Variants in NPAS3 observed in about 807,000 individuals in gnomAD.
NPAS3 encodes neuronal PAS domain-containing protein 3.
NPAS3 carries 14 observed loss-of-function variants against 73.1 expected under a neutral mutation model. The observed-to-expected ratio is 0.19, with a 90% CI of 0.13 to 0.30. NPAS3 has a LOEUF of 0.30. Ranked by LOEUF, NPAS3 falls within the 10% of genes least tolerant of loss-of-function variation. The probability of loss-of-function intolerance (pLI) is 1.00; values close to 1 mark genes in which losing one functional copy is unlikely to be tolerated. For synonymous variants in NPAS3, 620 were observed against 541.5 expected (o/e 1.14, Z -2.01); for missense variants, 1,096 against 1,250.0 (o/e 0.88, Z 1.86).
intron 3 of NPAS3, among the ~76,000 whole-genome samples, chr14:33,263,337 T>C (rs1194824855): frequency 6.6e-6 from 1 of 152,250 alleles, no homozygotes; most frequent in Non-Finnish European, 1.5e-5. Flanking sequence ...TTTCTACGTA[T>C]GGCTAACCAG....
intron 2 of NPAS3, among the ~76,000 whole-genome samples, chr14:33,136,619 A>C (rs746661438): frequency 2.6e-4 from 39 of 152,230 alleles, no homozygotes; most frequent in Non-Finnish European, 4.7e-4. Context: ...AGTCAACAGC[A>C]GACCTGAGAT....
At chr14:33,408,757 G>C (rs1354215483) in intron 4 of NPAS3, among the ~76,000 whole-genome samples, 2 of 152,140 alleles carry the variant, frequency 1.3e-5, no homozygotes, top group Non-Finnish European at 2.9e-5. Context: ...AAGAAGTTGA[G>C]GGTGAGACTA....
chr14:33,727,563 A>G (rs991089832), intron 6 of NPAS3, among the ~76,000 whole-genome samples: 1 of 151,996 alleles, frequency 6.6e-6, no homozygotes, highest in Admixed American at 6.6e-5. Flanking sequence ...ATTGTAGTAC[A>G]AAGACTAAGT....
chr14:33,049,083 G>T (rs1469795187), intron 1 of NPAS3, among the ~76,000 whole-genome samples: 1 of 152,154 alleles, frequency 6.6e-6, no homozygotes, highest in Non-Finnish European at 1.5e-5. Context: ...GTCTAGTAGT[G>T]TCTGTAGGTT....
chr14:33,519,224 A>T (rs976560882), intron 4 of NPAS3, among the ~76,000 whole-genome samples: 1 of 152,090 alleles, frequency 6.6e-6, no homozygotes, highest in Non-Finnish European at 1.5e-5. Context: ...CTTTTGTGCG[A>T]GTTTCCCTTT....
intron 6 of NPAS3, among the ~76,000 whole-genome samples, chr14:33,712,890 A>C (rs2060860724): frequency 6.6e-6 from 1 of 152,200 alleles, no homozygotes; most frequent in Admixed American, 6.5e-5. Context: ...CTTTACTGGG[A>C]AATTAGAGGA....
chr14:33,335,043 C>CGTGTGTGTGTGTGT (rs59212032), intron 3 of NPAS3, among the ~76,000 whole-genome samples: 1 of 146,950 alleles, frequency 6.8e-6, no homozygotes. Flanking sequence ...TGTGTGTGTG[C>CGTGTGTGTGTGTGT]GTGTGTGTGT....
At chr14:33,176,180 T>C (rs2045582883) in intron 2 of NPAS3, among the ~76,000 whole-genome samples, 1 of 152,198 alleles carries the variant, frequency 6.6e-6, no homozygotes, top group African/African-American at 2.4e-5. Flanking sequence ...CCAAAAAAAC[T>C]AGCTATATAA....
At chr14:33,108,279 C>T (rs1407721326) in intron 2 of NPAS3, among the ~76,000 whole-genome samples, 3 of 151,324 alleles carry the variant, frequency 2.0e-5, no homozygotes, top group Admixed American at 6.6e-5. Context: ...CTGCAACCTC[C>T]ACCTCCCGAG....
intron 6 of NPAS3, among the ~76,000 whole-genome samples, chr14:33,699,744 AT>A (rs202053209): frequency 2.6e-5 from 4 of 151,686 alleles, no homozygotes; most frequent in East Asian, 1.9e-4. Context: ...AGTCAAAGAC[AT>A]TTTTTTTTAA....
intron 4 of NPAS3, among the ~76,000 whole-genome samples, chr14:33,403,044 T>G (rs2047512728): frequency 6.6e-6 from 1 of 152,068 alleles, no homozygotes; most frequent in Non-Finnish European, 1.5e-5. Context: ...GCTTAAAAAT[T>G]TCTAAATCAA....
chr14:33,471,790 A>G (rs2050793738), intron 4 of NPAS3, among the ~76,000 whole-genome samples: 1 of 152,246 alleles, frequency 6.6e-6, no homozygotes. Flanking sequence ...GTGACCCATT[A>G]GGAACTGGGC....
intron 5 of NPAS3, among the ~76,000 whole-genome samples, chr14:33,570,162 T>A (rs1055772091): frequency 2.0e-5 from 3 of 152,190 alleles, no homozygotes; most frequent in African/African-American, 7.2e-5. Context: ...TTCAGAGGCA[T>A]TCCATTTTAA....
chr14:33,114,657 T>C (rs1461849707), intron 2 of NPAS3, among the ~76,000 whole-genome samples: 4 of 152,130 alleles, frequency 2.6e-5, no homozygotes, highest in Non-Finnish European at 5.9e-5. Flanking sequence ...GCTGCAGCAA[T>C]GAGTGTTTTG....
chr14:33,340,554 T>A (rs1320063947), intron 3 of NPAS3, among the ~76,000 whole-genome samples: 1 of 152,244 alleles, frequency 6.6e-6, no homozygotes, highest in African/African-American at 2.4e-5. Context: ...AATTTATTAG[T>A]TATTAACACT....
At chr14:33,720,175 T>A (rs1032112760) in intron 6 of NPAS3, among the ~76,000 whole-genome samples, 3 of 152,132 alleles carry the variant, frequency 2.0e-5, no homozygotes, top group Admixed American at 1.3e-4. Context: ...CTCCCAGGAG[T>A]ACAAGGCTAT....
intron 1 of NPAS3, among the ~76,000 whole-genome samples, chr14:32,968,722 T>C (rs2037292791): frequency 6.6e-6 from 1 of 151,966 alleles, no homozygotes; most frequent in African/African-American, 2.4e-5. Context: ...TCAAAGTCTG[T>C]CATGAGGTTG....
intron 2 of NPAS3, among the ~76,000 whole-genome samples, chr14:33,188,312 T>G (rs1384810751): frequency 6.6e-6 from 1 of 152,252 alleles, no homozygotes; most frequent in African/African-American, 2.4e-5. Context: ...GGCCTCTGTC[T>G]CTTCTGCTTC....
intron 7 of NPAS3, among the ~76,000 whole-genome samples, chr14:33,737,241 G>A (rs2061545276): frequency 1.3e-5 from 2 of 152,120 alleles, no homozygotes; most frequent in Non-Finnish European, 2.9e-5. Context: ...AAAAGGTCAC[G>A]CTGAGGAGGC....
Sources: gnomAD v4.1 joint callset for allele counts (sites outside exome capture counted in the v4.1 genomes callset) on GRCh38, gnomAD v4.1.1 for gene constraint, MANE v1.5 for transcripts, NCBI Gene and HGNC (gene_info 2026-07-23, HGNC 2026-07-21) for gene names.